Variants in CLASP1 observed in about 807,000 individuals in gnomAD.
CLASP1 encodes CLIP-associating protein 1.
In CLASP1, 38 loss-of-function variants were observed where a neutral mutation model predicts 192.3. That is an observed-to-expected ratio of 0.20 (90% CI 0.15 to 0.26). The LOEUF is 0.26. Among genes scored for constraint, CLASP1 ranks in the 10% least tolerant of loss-of-function variants. The pLI is 1.00. For missense variants in CLASP1, 1,433 were observed against 1,932.5 expected (o/e 0.74, Z 4.85); for synonymous variants, 691 against 712.8 (o/e 0.97, Z 0.49).
chr2:121,478,821 A>AC (rs1249917843), intron 8 of CLASP1, among the ~76,000 whole-genome samples: 2 of 4,616 alleles, frequency 4.3e-4, no homozygotes, highest in Non-Finnish European at 1.3e-3. Context: ...CCCCACACAC[A>AC]ACCACACACC....
At chr2:121,376,983 T>C (rs2070393861) in intron 34 of CLASP1, among the ~76,000 whole-genome samples, 1 of 152,208 alleles carries the variant, frequency 6.6e-6, no homozygotes, top group Non-Finnish European at 1.5e-5. Flanking sequence ...TATAATTATT[T>C]CATTATATAT....
intron 2 of CLASP1, among the ~76,000 whole-genome samples, chr2:121,568,135 A>G (rs1386589573): frequency 6.6e-6 from 1 of 152,218 alleles, no homozygotes; most frequent in Non-Finnish European, 1.5e-5. Flanking sequence ...AGAGGGCTTC[A>G]GACAGATGTG....
chr2:121,437,384 C>CT (rs2082486970), intron 19 of CLASP1, among the ~76,000 whole-genome samples: 2 of 152,140 alleles, frequency 1.3e-5, no homozygotes, highest in Non-Finnish European at 2.9e-5. Flanking sequence ...CACTTTATTT[C>CT]TTTAACTGTT....
intron 14 of CLASP1, among the ~76,000 whole-genome samples, chr2:121,453,868 A>T (rs1431560634): frequency 2.0e-5 from 3 of 152,328 alleles, no homozygotes; most frequent in African/African-American, 7.2e-5. Flanking sequence ...AAGAAGGTGC[A>T]CTGCCTTGCT....
chr2:121,395,662 T>C (rs2075164716), intron 30 of CLASP1, among the ~76,000 whole-genome samples: 1 of 152,210 alleles, frequency 6.6e-6, no homozygotes, highest in African/African-American at 2.4e-5. Context: ...TCTTATCTTC[T>C]CTAGGAAGCT....
At chr2:121,606,779 T>C (rs2064474357) in intron 1 of CLASP1, among the ~76,000 whole-genome samples, 1 of 152,092 alleles carries the variant, frequency 6.6e-6, no homozygotes, top group Admixed American at 6.6e-5. Context: ...AGAAAGGAGG[T>C]GGGCGCAGTG....
intron 8 of CLASP1, among the ~76,000 whole-genome samples, chr2:121,491,521 C>T (rs1243747558): frequency 6.6e-6 from 1 of 152,128 alleles, no homozygotes; most frequent in African/African-American, 2.4e-5. Flanking sequence ...TCTGAAAATC[C>T]AATTCTCCCA....
intron 2 of CLASP1, among the ~76,000 whole-genome samples, chr2:121,568,537 C>T (rs183326051): frequency 1.9e-4 from 29 of 151,026 alleles, no homozygotes; most frequent in Middle Eastern, 3.4e-3. Context: ...GCAAGTAACA[C>T]GCTCACAACT....
At chr2:121,458,806 T>C (rs1575059512) in intron 13 of CLASP1, 34 bp downstream of exon 13, 2 of 1,496,080 alleles carry the variant, frequency 1.3e-6, no homozygotes, top group East Asian at 2.5e-5. Context: ...ATTTACCACT[T>C]GCTTATTTCA....
chr2:121,529,725 T>C (rs1412573137), intron 3 of CLASP1, among the ~76,000 whole-genome samples: 1 of 152,192 alleles, frequency 6.6e-6, no homozygotes, highest in Non-Finnish European at 1.5e-5. Flanking sequence ...TGTAATGACA[T>C]TTACAATCAA....
At chr2:121,621,868 G>A (rs577075690) in intron 1 of CLASP1, among the ~76,000 whole-genome samples, 324 of 152,204 alleles carry the variant, frequency 2.1e-3, no homozygotes, top group Non-Finnish European at 3.9e-3. Context: ...TTGTTTATGA[G>A]ACGGAGTCTC....
chr2:121,567,254 T>C (rs1325008427), intron 2 of CLASP1, among the ~76,000 whole-genome samples: 1 of 152,226 alleles, frequency 6.6e-6, no homozygotes, highest in Admixed American at 6.5e-5. Flanking sequence ...GGCCAGGCAC[T>C]GTCCTGTCCT....
chr2:121,575,951 G>A (rs10179294), intron 2 of CLASP1, among the ~76,000 whole-genome samples: 30,849 of 152,172 alleles, frequency 0.2, 5,840 homozygotes, highest in African/African-American at 0.5. Flanking sequence ...ACTAAAAAAT[G>A]ACTTACGTAG....
intron 31 of CLASP1, 122 bp from the exon 33 acceptor site, chr2:121,387,350 T>A (rs1217854577): frequency 1.4e-6 from 1 of 711,900 alleles, no homozygotes; most frequent in East Asian, 3.0e-5. Flanking sequence ...GATGGTTTTT[T>A]TTTTCCCTTA....
chr2:121,405,830 G>C (rs1160086766), intron 25 of CLASP1, among the ~76,000 whole-genome samples: 3 of 152,194 alleles, frequency 2.0e-5, no homozygotes, highest in Non-Finnish European at 4.4e-5. Flanking sequence ...AAAACTTCCT[G>C]TATCGTCTTT....
intron 8 of CLASP1, among the ~76,000 whole-genome samples, chr2:121,473,934 T>C (rs1052599641): frequency 1.3e-5 from 2 of 152,044 alleles, no homozygotes; most frequent in Admixed American, 1.3e-4. Flanking sequence ...CTTCAAGAAA[T>C]GTAACAGGAA....
chr2:121,533,215 T>C (rs2094944609), intron 2 of CLASP1, among the ~76,000 whole-genome samples: 1 of 152,176 alleles, frequency 6.6e-6, no homozygotes, highest in Non-Finnish European at 1.5e-5. Flanking sequence ...TAGATGCACC[T>C]GAGCCCCAGA....
At chr2:121,533,526 C>T (rs1228441150) in intron 2 of CLASP1, among the ~76,000 whole-genome samples, 1 of 151,876 alleles carries the variant, frequency 6.6e-6, no homozygotes, top group Non-Finnish European at 1.5e-5. Flanking sequence ...TTTTTTTCCC[C>T]CTATTTCTGC....
At chr2:121,638,687 G>C (rs1328572994) in intron 1 of CLASP1, among the ~76,000 whole-genome samples, 1 of 145,628 alleles carries the variant, frequency 6.9e-6, no homozygotes, top group Non-Finnish European at 1.5e-5. Flanking sequence ...TTTTTTTTGA[G>C]ACAGAGTTTT....
Sources: allele counts gnomAD v4.1 joint callset (sites outside exome capture counted in the v4.1 genomes callset), GRCh38; gene constraint gnomAD v4.1.1; transcripts MANE v1.5; gene names NCBI Gene and HGNC (gene_info 2026-07-23, HGNC 2026-07-21).